ULK4: variants seen among roughly 807,000 people sequenced by gnomAD.
ULK4 encodes the protein inactive serine/threonine-protein kinase ULK4.
Under a neutral mutation model 160.6 loss-of-function variants are expected in ULK4, and 133 were observed. The observed-to-expected ratio is 0.83, with a 90% CI of 0.72 to 0.96. The LOEUF (loss-of-function observed/expected upper bound fraction) is 0.96, where lower values mean the gene tolerates loss of function less well. ULK4 is among the 40% of genes least tolerant of loss of function. The probability of loss-of-function intolerance (pLI) is 0.00; values close to 1 mark genes in which losing one functional copy is unlikely to be tolerated. For synonymous variants in ULK4, 534 were observed against 539.8 expected (o/e 0.99, Z 0.15); for missense variants, 1,580 against 1,499.5 (o/e 1.05, Z -0.89).
intron 31 of ULK4, among the ~76,000 whole-genome samples, chr3:41,572,082 A>T (rs545864068): frequency 6.6e-5 from 10 of 152,332 alleles, no homozygotes; most frequent in Admixed American, 3.3e-4. Context: ...CTATCATTCT[A>T]CTATTTTTAT....
At chr3:41,941,339 GAA>G (rs58069829) in intron 2 of ULK4, among the ~76,000 whole-genome samples, 3 of 101,230 alleles carry the variant, frequency 3.0e-5, no homozygotes, top group African/African-American at 7.3e-5. Flanking sequence ...TGCCCAGCTT[GAA>G]AAAAAAAAAA....
intron 30 of ULK4, among the ~76,000 whole-genome samples, chr3:41,651,577 A>G (rs1347692808): frequency 6.6e-6 from 1 of 152,198 alleles, no homozygotes; most frequent in Non-Finnish European, 1.5e-5. Flanking sequence ...AATGAATGAC[A>G]ACTCCTTTGC....
At chr3:41,684,228 C>G (rs916406524) in intron 27 of ULK4, among the ~76,000 whole-genome samples, 3 of 152,216 alleles carry the variant, frequency 2.0e-5, no homozygotes, top group Non-Finnish European at 4.4e-5. Context: ...ATCTGGCATG[C>G]GAGCAAAAGG....
chr3:41,373,326 G>C (rs139321699), intron 35 of ULK4, among the ~76,000 whole-genome samples: 134 of 152,214 alleles, frequency 8.8e-4, no homozygotes, highest in African/African-American at 3.2e-3. Flanking sequence ...CAAATCAACA[G>C]AATATACACT....
intron 13 of ULK4, among the ~76,000 whole-genome samples, chr3:41,899,583 C>T (rs1323050915): frequency 1.3e-5 from 2 of 152,188 alleles, no homozygotes; most frequent in Non-Finnish European, 2.9e-5. Flanking sequence ...TGTAAACCTT[C>T]TTAAAACATT....
At chr3:41,509,385 G>T (rs796728859) in intron 32 of ULK4, among the ~76,000 whole-genome samples, 4 of 152,170 alleles carry the variant, frequency 2.6e-5, no homozygotes, top group Non-Finnish European at 5.9e-5. Flanking sequence ...ACATGTAAAA[G>T]TTTGGAAAAC....
intron 21 of ULK4, among the ~76,000 whole-genome samples, chr3:41,765,138 G>A (rs527451009): frequency 2.6e-4 from 40 of 152,300 alleles, no homozygotes; most frequent in African/African-American, 8.4e-4. Flanking sequence ...ATTCACAATA[G>A]CGAAGACTTG....
chr3:41,653,353 C>G (rs1257727944), intron 30 of ULK4, among the ~76,000 whole-genome samples: 2 of 152,222 alleles, frequency 1.3e-5, no homozygotes, highest in Non-Finnish European at 2.9e-5. Flanking sequence ...AGTAAAAGTT[C>G]TTGTCCACAT....
intron 27 of ULK4, among the ~76,000 whole-genome samples, chr3:41,693,850 C>T (rs911926065): frequency 2.0e-5 from 3 of 152,028 alleles, no homozygotes; most frequent in African/African-American, 7.2e-5. Flanking sequence ...AAAAAGAAAA[C>T]CTAAAATTGA....
chr3:41,373,131 T>G (rs2081404720), intron 35 of ULK4, among the ~76,000 whole-genome samples: 1 of 152,166 alleles, frequency 6.6e-6, no homozygotes, highest in African/African-American at 2.4e-5. Context: ...GCACCCAGAT[T>G]CATAAAGCGA....
intron 33 of ULK4, among the ~76,000 whole-genome samples, chr3:41,459,651 T>C (rs1364290957): frequency 1.3e-5 from 2 of 152,210 alleles, no homozygotes; most frequent in Non-Finnish European, 2.9e-5. Context: ...AGTAGGATAA[T>C]GTCACAATTG....
chr3:41,808,162 T>C (rs9845759), intron 19 of ULK4, among the ~76,000 whole-genome samples: 25,869 of 152,120 alleles, frequency 0.17, 5,662 homozygotes, highest in African/African-American at 0.51. Context: ...TCCTAGTTCT[T>C]ACTACAAAAA....
intron 5 of ULK4, among the ~76,000 whole-genome samples, chr3:41,925,272 G>A (rs903684161): frequency 9.2e-5 from 14 of 152,192 alleles, no homozygotes; most frequent in African/African-American, 3.1e-4. Context: ...GCAAGGTGGG[G>A]TGTTGCCTCA....
At chr3:41,847,674 C>G (rs1057489722) in intron 17 of ULK4, among the ~76,000 whole-genome samples, 3 of 152,164 alleles carry the variant, frequency 2.0e-5, no homozygotes, top group African/African-American at 7.2e-5. Context: ...TTCAATGACA[C>G]AAACAGAGCT....
Position 41,898,480 on chromosome 3 carries a change from G to T in ULK4, c.1300C>A (p.Pro434Thr). The T allele has an allele frequency of 6.3e-7, 1 of 1,594,360 alleles. No individual in the cohort carries two copies. The highest frequency in any genetic ancestry group is 1.1e-5 in the South Asian group (1 of 87,050). ...IIDNPKIMKQ[P>T]PVKFDAKILH... ...ATTTTTGCATCAAATTTAACTGGTG[G>T]CTGTTTCATTATCTGTGGTTTAAAA... The change falls in exon 14 of 37, where the codon CCA becomes ACA. Residue 434 changes from proline to threonine, a missense_variant. By Grantham distance (38) the Pro-to-Thr change is conservative. Transcript: ENST00000301831.
intron 31 of ULK4, among the ~76,000 whole-genome samples, chr3:41,596,978 G>A (rs934144597): frequency 1.3e-5 from 2 of 152,044 alleles, no homozygotes; most frequent in Admixed American, 6.5e-5. Flanking sequence ...TGACTTCTAC[G>A]CTCTAGATAT....
chr3:41,577,490 T>C (rs1340475449), intron 31 of ULK4, among the ~76,000 whole-genome samples: 1 of 152,154 alleles, frequency 6.6e-6, no homozygotes, highest in Non-Finnish European at 1.5e-5. Flanking sequence ...AATAATCCAA[T>C]TATACTTTTA....
chr3:41,539,018 TAAC>T (rs2086605992), intron 32 of ULK4, among the ~76,000 whole-genome samples: 1 of 143,100 alleles, frequency 7.0e-6, no homozygotes, highest in South Asian at 2.3e-4. Context: ...TATGCTTTCA[TAAC>T]AATCTTTTTC....
At chr3:41,326,738 G>A (rs919232303) in intron 35 of ULK4, among the ~76,000 whole-genome samples, 30 of 152,306 alleles carry the variant, frequency 2.0e-4, no homozygotes, top group African/African-American at 7.2e-4. Context: ...AGTGAGGACA[G>A]ATCGTTTGAC....
Sources: gnomAD v4.1 joint callset for allele counts (sites outside exome capture counted in the v4.1 genomes callset) on GRCh38, gnomAD v4.1.1 for gene constraint, MANE v1.5 for transcripts, NCBI Gene and HGNC (gene_info 2026-07-23, HGNC 2026-07-21) for gene names.